RIMBP2: variants seen among roughly 807,000 people sequenced by gnomAD.
The protein encoded by RIMBP2 is RIMS binding protein 2, also known as RIMS-binding protein 2.
A neutral mutation model predicts 118.6 loss-of-function variants in RIMBP2; 48 were observed. That is an observed-to-expected ratio of 0.40 (90% CI 0.32 to 0.51). The LOEUF (loss-of-function observed/expected upper bound fraction) is 0.51, where lower values mean the gene tolerates loss of function less well. RIMBP2 is among the 20% of genes least tolerant of loss of function. The pLI, the probability that RIMBP2 is intolerant of heterozygous loss-of-function variation, is 0.41. For missense variants in RIMBP2, 1,551 were observed against 1,768.3 expected (o/e 0.88, Z 2.20); for synonymous variants, 762 against 742.9 (o/e 1.03, Z -0.42).
chr12:130,536,334 T>C (rs2054083817), intron 2 of RIMBP2, among the ~76,000 whole-genome samples: 1 of 152,208 alleles, frequency 6.6e-6, no homozygotes, highest in African/African-American at 2.4e-5. Flanking sequence ...AGGTCGACAC[T>C]GTTAATCTCT....
At chr12:130,656,368 C>T (rs757824265) in intron 1 of RIMBP2, among the ~76,000 whole-genome samples, 5 of 152,206 alleles carry the variant, frequency 3.3e-5, no homozygotes, top group Non-Finnish European at 5.9e-5. Context: ...TGGGCCAGCT[C>T]CTGACAGCGT....
chr12:130,507,283 G>A (rs780994869), intron 3 of RIMBP2, among the ~76,000 whole-genome samples: 5 of 152,130 alleles, frequency 3.3e-5, no homozygotes, highest in Non-Finnish European at 7.3e-5. Context: ...AGATGCAGAG[G>A]GAAAAGCAGG....
intron 22 of RIMBP2, 36 bp downstream of exon 22, chr12:130,399,643 G>A: frequency 6.2e-7 from 1 of 1,611,668 alleles, no homozygotes; most frequent in South Asian, 1.1e-5. Flanking sequence ...TGGCAGAACG[G>A]GACAGAGATT....
intron 1 of RIMBP2, among the ~76,000 whole-genome samples, chr12:130,691,869 G>A (rs1020025601): frequency 2.0e-5 from 3 of 152,196 alleles, no homozygotes; most frequent in Non-Finnish European, 4.4e-5. Context: ...GGTGTGGACT[G>A]TGCTTTCCTT....
intron 2 of RIMBP2, among the ~76,000 whole-genome samples, chr12:130,588,302 C>T (rs868838530): frequency 3.3e-5 from 5 of 152,176 alleles, no homozygotes; most frequent in Non-Finnish European, 5.9e-5. Context: ...TATCCACATC[C>T]GGTCTGTTTA....
At chr12:130,699,023 A>C (rs1260027889) in intron 1 of RIMBP2, among the ~76,000 whole-genome samples, 3 of 152,188 alleles carry the variant, frequency 2.0e-5, no homozygotes, top group Non-Finnish European at 4.4e-5. Flanking sequence ...AATCAAAACC[A>C]CAATGAGATA....
At chr12:130,421,140 A>C (rs1474576027) in intron 17 of RIMBP2, 1 of 152,100 alleles carries the variant, frequency 6.6e-6, no homozygotes, top group African/African-American at 2.4e-5. Flanking sequence ...AAGCCAGGAG[A>C]ACCGATTTAT....
In RIMBP2 at chr12:130,438,348, AC is replaced by A; in HGVS notation, c.1656+16del. On this transcript the variant is annotated intron_variant, in intron 12 of 22. Transcript: ENST00000690449. ...AGGGCCTAACAAACCCTCCCCACCC[AC>A]CCAACGAAAACTCACCCTCTGCCCT... The A allele has an allele frequency of 7.6e-6, 5 of 654,502 alleles. No individual in the cohort carries two copies. Among genetic ancestry groups the A allele is most frequent in the Non-Finnish European group, 1.2e-5 (5 of 412,454 alleles). 40.5% of individuals were successfully genotyped at this position (654,502 alleles called of 1,614,324 possible).
At chr12:130,398,991 A>G in intron 22 of RIMBP2, 1 of 433,948 alleles carries the variant, frequency 2.3e-6, no homozygotes, top group South Asian at 7.1e-5. Flanking sequence ...TAGTTTTTTG[A>G]GACATATTTC....
chr12:130,711,697 A>C (rs942322794), intron 1 of RIMBP2, among the ~76,000 whole-genome samples: 2 of 152,242 alleles, frequency 1.3e-5, no homozygotes, highest in African/African-American at 2.4e-5. Context: ...TCAGGGACCC[A>C]CCTCATAAAT....
chr12:130,643,304 G>A (rs1415559958), intron 1 of RIMBP2, among the ~76,000 whole-genome samples: 1 of 152,238 alleles, frequency 6.6e-6, no homozygotes, highest in Non-Finnish European at 1.5e-5. Context: ...GTCCTGTGAT[G>A]TGTGTGGAGC....
chr12:130,642,639 T>G (rs1228543261), intron 1 of RIMBP2, among the ~76,000 whole-genome samples: 1 of 152,240 alleles, frequency 6.6e-6, no homozygotes, highest in Non-Finnish European at 1.5e-5. Context: ...CCTTTATTAC[T>G]TCGACAACCC....
At chr12:130,677,138 G>C (rs1279405024) in intron 1 of RIMBP2, among the ~76,000 whole-genome samples, 1 of 152,134 alleles carries the variant, frequency 6.6e-6, no homozygotes. Context: ...CTAGGGTGGG[G>C]GTGCTGTTGG....
Position 130,412,662 on chromosome 12 carries a change from A to G in RIMBP2, c.3546T>C (p.Leu1182=). 1 of 1,613,960 alleles carries G rather than the reference A, an allele frequency of 6.2e-7. No individual in the cohort carries two copies. The highest frequency in any genetic ancestry group is 1.1e-5 in the South Asian group (1 of 91,074). Residue 1182 remains leucine, a synonymous_variant, in exon 19 of 23, where the codon CTT becomes CTC. Transcript: ENST00000690449. ...ADDEEMMDQL[L]RQGFLPLNTP... Reference sequence around the variant, plus strand: ...TATTCAGAGGGAGAAAGCCCTGTCTAAGAAGCTGATCCATCATCTCCTCAT... The same window carrying G: ...TATTCAGAGGGAGAAAGCCCTGTCTGAGAAGCTGATCCATCATCTCCTCAT...
At chr12:130,405,735 G>C (rs934031467) in intron 21 of RIMBP2, among the ~76,000 whole-genome samples, 1 of 151,436 alleles carries the variant, frequency 6.6e-6, no homozygotes, top group African/African-American at 2.4e-5. Flanking sequence ...AAAAAGGTAA[G>C]GGAGAAGTCC....
intron 2 of RIMBP2, among the ~76,000 whole-genome samples, chr12:130,606,483 C>T (rs11061027): frequency 0.13 from 20,246 of 152,244 alleles, 1,589 homozygotes; most frequent in Non-Finnish European, 0.19. Context: ...TGGCTGTCAC[C>T]GCATCAGCGC....
rs1030988450 is a variant in RIMBP2 at position 130,446,703 on chromosome 12, G to A, written c.582-1434C>T. Among the ~76,000 whole-genome samples the A allele has an allele frequency of 2.0e-5, 3 of 152,192 alleles. No homozygotes were observed. Among genetic ancestry groups the A allele is most frequent in the Non-Finnish European group, 4.4e-5 (3 of 68,038 alleles). On this transcript the variant is annotated intron_variant, in intron 9 of 22. Transcript: ENST00000690449. The surrounding 1 kb of genome is among the most constrained non-coding windows in gnomAD (Gnocchi z 4.1). ...CCAGAGGCAGGGAGGAGAGAGATGA[G>A]GTTGGCAGGGACCAGACTGGTTTTA...
chr12:130,555,113 T>C (rs997828046), intron 2 of RIMBP2, among the ~76,000 whole-genome samples: 3 of 152,206 alleles, frequency 2.0e-5, no homozygotes, highest in African/African-American at 7.2e-5. Context: ...AAAGACTCAC[T>C]GAGGTCACAC....
At chr12:130,504,826 G>A (rs2050150580) in intron 4 of RIMBP2, among the ~76,000 whole-genome samples, 1 of 152,194 alleles carries the variant, frequency 6.6e-6, no homozygotes, top group Non-Finnish European at 1.5e-5. Context: ...CTGCGCGTGG[G>A]AGAGGGTTTT....
Sources: gnomAD v4.1 joint callset for allele counts (sites outside exome capture counted in the v4.1 genomes callset) on GRCh38, gnomAD v4.1.1 for gene constraint, Gnocchi (gnomAD v3.1) non-coding constraint, MANE v1.5 for transcripts, NCBI Gene and HGNC (gene_info 2026-07-23, HGNC 2026-07-21) for gene names.